The following DLG2 variants were observed in gnomAD, a reference collection of about 807,000 sequenced individuals.
DLG2 encodes the protein disks large homolog 2.
DLG2 carries 45 observed loss-of-function variants against 132.5 expected under a neutral mutation model. The ratio of observed to expected loss-of-function variants is 0.34; its 90% CI spans 0.27 to 0.44. The LOEUF is 0.44. Among genes scored for constraint, DLG2 ranks in the 20% least tolerant of loss-of-function variants. The pLI is 1.00. For synonymous variants in DLG2, 424 were observed against 419.6 expected (o/e 1.01, Z -0.13); for missense variants, 1,045 against 1,196.9 (o/e 0.87, Z 1.87).
At chr11:84,055,520 T>C (rs1057318305) in intron 11 of DLG2, among the ~76,000 whole-genome samples, 2 of 152,072 alleles carry the variant, frequency 1.3e-5, no homozygotes, top group African/African-American at 2.4e-5. Context: ...AGCCATATCA[T>C]TTCATGTAAT....
intron 7 of DLG2, among the ~76,000 whole-genome samples, chr11:84,344,982 TTATTA>T (rs375518676): frequency 6.6e-6 from 1 of 152,188 alleles, no homozygotes; most frequent in African/African-American, 2.4e-5. Flanking sequence ...GATTGAAGCC[TTATTA>T]TATTACTTTT....
At chr11:85,519,206 TAG>T (rs2094229793) in intron 3 of DLG2, among the ~76,000 whole-genome samples, 1 of 152,028 alleles carries the variant, frequency 6.6e-6, no homozygotes, top group African/African-American at 2.4e-5. Context: ...CCCAGAATGG[TAG>T]ATCCACTGAC....
intron 6 of DLG2, among the ~76,000 whole-genome samples, chr11:85,037,522 A>G (rs1425895529): frequency 6.6e-6 from 1 of 152,194 alleles, no homozygotes; most frequent in East Asian, 1.9e-4. Flanking sequence ...TCCTCAGGAG[A>G]GTATAATGAC....
chr11:84,312,131 A>G (rs1235479590), intron 7 of DLG2, among the ~76,000 whole-genome samples: 3 of 152,186 alleles, frequency 2.0e-5, no homozygotes, highest in Non-Finnish European at 4.4e-5. Flanking sequence ...ATCATTCATC[A>G]CCACAACTCT....
intron 17 of DLG2, among the ~76,000 whole-genome samples, chr11:83,831,218 G>A (rs2054408350): frequency 1.3e-5 from 2 of 152,290 alleles, no homozygotes; most frequent in African/African-American, 4.8e-5. Context: ...GCACAATAAG[G>A]TTTGATAGCT....
chr11:84,152,141 G>C (rs958551350), intron 9 of DLG2, among the ~76,000 whole-genome samples: 14 of 152,104 alleles, frequency 9.2e-5, no homozygotes, highest in African/African-American at 3.4e-4. Flanking sequence ...ACTGTCAGTA[G>C]AATGTTGAAG....
chr11:85,568,815 A>G (rs1389255728), intron 3 of DLG2, among the ~76,000 whole-genome samples: 1 of 152,032 alleles, frequency 6.6e-6, no homozygotes, highest in Non-Finnish European at 1.5e-5. Context: ...TTAATAGTCT[A>G]GCTAAAAGTT....
intron 7 of DLG2, among the ~76,000 whole-genome samples, chr11:84,502,522 A>G (rs1371396324): frequency 1.3e-5 from 2 of 150,566 alleles, no homozygotes; most frequent in Admixed American, 6.7e-5. Flanking sequence ...CAGCTTCCCA[A>G]GTAGCTGGGA....
At chr11:85,617,032 G>T (rs959797338) in intron 2 of DLG2, among the ~76,000 whole-genome samples, 11 of 152,030 alleles carry the variant, frequency 7.2e-5, no homozygotes, top group African/African-American at 2.7e-4. Context: ...AGGGAAGTGG[G>T]GAAAACTTCA....
intron 16 of DLG2, among the ~76,000 whole-genome samples, chr11:83,851,858 G>A (rs970425083): frequency 6.6e-6 from 1 of 151,742 alleles, no homozygotes; most frequent in African/African-American, 2.4e-5. Context: ...GGCGGAGATT[G>A]CAGTCAGCCA....
chr11:84,309,136 A>AC (rs774501959), intron 7 of DLG2, among the ~76,000 whole-genome samples: 2 of 151,956 alleles, frequency 1.3e-5, no homozygotes, highest in Non-Finnish European at 2.9e-5. Flanking sequence ...TGTACACCAA[A>AC]CCCCAGGAAC....
chr11:83,841,693 A>C (rs1002359051), intron 16 of DLG2, among the ~76,000 whole-genome samples: 3 of 152,248 alleles, frequency 2.0e-5, no homozygotes, highest in African/African-American at 7.2e-5. Flanking sequence ...ATTATGTTTT[A>C]AGTATGGAAT....
intron 14 of DLG2, among the ~76,000 whole-genome samples, chr11:83,936,346 C>T (rs2154134969): frequency 6.6e-6 from 1 of 152,292 alleles, no homozygotes; most frequent in East Asian, 1.9e-4. Flanking sequence ...CTGTACTTCT[C>T]AATTATTTTC....
chr11:84,867,958 C>T (rs1431489491), intron 6 of DLG2, among the ~76,000 whole-genome samples: 1 of 151,962 alleles, frequency 6.6e-6, no homozygotes, highest in Non-Finnish European at 1.5e-5. Context: ...CCTGCAGTCC[C>T]AGCTACTCGG....
intron 3 of DLG2, among the ~76,000 whole-genome samples, chr11:85,463,826 A>G (rs1233519062): frequency 6.6e-6 from 1 of 152,136 alleles, no homozygotes; most frequent in Non-Finnish European, 1.5e-5. Context: ...TACATGAGAG[A>G]GAACTGTGTC....
chr11:85,325,129 G>A (rs531811023), intron 3 of DLG2, among the ~76,000 whole-genome samples: 22 of 134,504 alleles, frequency 1.6e-4, no homozygotes, highest in East Asian at 1.5e-3. Context: ...CTACGCCCAC[G>A]GAATCTCGCT....
At chr11:84,592,414 C>G (rs578184921) in intron 6 of DLG2, among the ~76,000 whole-genome samples, 2 of 152,106 alleles carry the variant, frequency 1.3e-5, no homozygotes, top group Non-Finnish European at 2.9e-5. Flanking sequence ...TGGGCAAAGA[C>G]TTCATGACTA....
At chr11:85,020,908 C>T in intron 6 of DLG2, 1 of 769,564 alleles carries the variant, frequency 1.3e-6, no homozygotes. Context: ...TCCCCCTCCT[C>T]AGCAGGGTCA....
intron 7 of DLG2, among the ~76,000 whole-genome samples, chr11:84,440,736 G>A (rs1394053578): frequency 6.6e-6 from 1 of 152,122 alleles, no homozygotes; most frequent in East Asian, 1.9e-4. Flanking sequence ...AGTTTGAGAT[G>A]CAACAGTAAT....
Sources: allele counts gnomAD v4.1 joint callset (sites outside exome capture counted in the v4.1 genomes callset), GRCh38; gene constraint gnomAD v4.1.1; transcripts MANE v1.5; gene names NCBI Gene and HGNC (gene_info 2026-07-23, HGNC 2026-07-21).